VPS53: variants seen among roughly 807,000 people sequenced by gnomAD.
VPS53 encodes the protein VPS53 subunit of GARP complex.
In VPS53, 70 loss-of-function variants were observed where a neutral mutation model predicts 107.0. That is an observed-to-expected ratio of 0.65 (90% CI 0.54 to 0.80). The LOEUF (loss-of-function observed/expected upper bound fraction) is 0.80, where lower values mean the gene tolerates loss of function less well. Among genes scored for constraint, VPS53 ranks in the 30% least tolerant of loss-of-function variants. The pLI, the probability that VPS53 is intolerant of heterozygous loss-of-function variation, is 0.00. For missense variants in VPS53, 917 were observed against 1,049.4 expected, an observed-to-expected ratio of 0.87 and a Z score of 1.74; for synonymous variants, 409 against 393.3, an observed-to-expected ratio of 1.04 and a Z score of -0.47.
At chr17:649,733 A>G (rs970913680) in intron 7 of VPS53, among the ~76,000 whole-genome samples, 1 of 152,246 alleles carries the variant, frequency 6.6e-6, no homozygotes, top group African/African-American at 2.4e-5. Context: ...ACTGGAGGAC[A>G]GAGGAATGGA....
intron 4 of VPS53, among the ~76,000 whole-genome samples, chr17:670,826 C>T (rs1971904321): frequency 6.6e-6 from 1 of 152,164 alleles, no homozygotes; most frequent in Non-Finnish European, 1.5e-5. Flanking sequence ...AAATAAGGTG[C>T]TATTATTCAC....
In VPS53 at chr17:623,565, A is replaced by G. The variant is rs989517656; in HGVS notation, c.1084T>C (p.Phe362Leu). 1.2e-6 allele frequency: 2 copies of G among 1,613,740 alleles called. No homozygotes were observed. Among genetic ancestry groups the G allele is most frequent in the African/African-American group, 1.3e-5 (1 of 74,926 alleles). ...TNFEGFLAKRFSGCTLTDGTL... is the reference protein window; with the variant it reads ...TNFEGFLAKRLSGCTLTDGTL... ...CCATCGGTCAGGGTGCAGCCGGAGA[A>G]GCGTTTTGCAAGAAACCCCTCAAAG... The change falls in exon 11 of 22, where the codon TTC (phenylalanine) becomes CTC (leucine). Residue 362 changes from phenylalanine to leucine, a missense_variant. Phe to Leu is a conservative substitution (Grantham distance 22). Transcript: ENST00000437048.
At chr17:554,510 T>C (rs1211512758) in intron 15 of VPS53, among the ~76,000 whole-genome samples, 3 of 152,176 alleles carry the variant, frequency 2.0e-5, no homozygotes, top group Non-Finnish European at 4.4e-5. Context: ...TTTAAGTGAT[T>C]CTCCTGCCTC....
chr17:661,429 G>T (rs1213759045), intron 5 of VPS53, among the ~76,000 whole-genome samples: 1 of 150,866 alleles, frequency 6.6e-6, no homozygotes, highest in Non-Finnish European at 1.5e-5. Flanking sequence ...GCTGAGGCAG[G>T]GGAATCGCTT....
At chr17:628,388 G>A (rs1278503535) in intron 8 of VPS53, among the ~76,000 whole-genome samples, 157 bp from the exon 9 acceptor site, 3 of 152,124 alleles carry the variant, frequency 2.0e-5, no homozygotes, top group African/African-American at 7.2e-5. Context: ...TCAGTTACCT[G>A]CTGCTCCTCG....
rs9915614 is a variant in VPS53, at chr17:517,125, G to A, written c.*2003C>T. On this transcript the variant is annotated 3_prime_UTR_variant, in exon 22 of 22. Transcript: ENST00000437048. ...AACCATAGCAACTCCATGGGCTGGG[G>A]TGGGGGCATCTACAGGGCTTCCTGG... is the stretch of plus-strand genomic sequence containing the variant. 131 of 248,948 alleles carry A rather than the reference G, an allele frequency of 5.3e-4. No homozygotes were observed. The highest frequency in any genetic ancestry group is 2.5e-3 in the African/African-American group (114 of 45,124). 15.4% of individuals were successfully genotyped at this position (248,948 alleles called of 1,614,324 possible).
At position 519,317 on chromosome 17, in the gene VPS53, C is replaced by G; in HGVS notation, c.2329-19G>C. ...TCAGCCCCTGAGGTTGAGAGAGAAACAGAACCGTCACGAAGTCTGGGCCAG... is the reference window on the plus strand; with the variant it reads ...TCAGCCCCTGAGGTTGAGAGAGAAAGAGAACCGTCACGAAGTCTGGGCCAG... On this transcript the variant is annotated intron_variant, in intron 21 of 21. Coordinates refer to ENST00000437048, the MANE Select transcript of VPS53 (RefSeq NM_001128159.3). The surrounding 1 kb of genome is among the most constrained non-coding windows in gnomAD (Gnocchi z 5.0). 1 of 1,460,122 alleles carries G rather than the reference C, an allele frequency of 6.8e-7. No homozygotes were observed. The highest frequency in any genetic ancestry group is 9.1e-7 in the Non-Finnish European group (1 of 1,104,408). 90.4% of individuals were successfully genotyped at this position (1,460,122 alleles called of 1,614,324 possible). A position where few individuals can be genotyped will look rare whatever the true frequency, so the allele number is the denominator to read the frequency against.
At chr17:654,751 A>AG (rs71145760) in intron 6 of VPS53, among the ~76,000 whole-genome samples, 26,949 of 148,008 alleles carry the variant, frequency 0.18, 2,889 homozygotes, top group Admixed American at 0.29. Flanking sequence ...AAAAAAAAAA[A>AG]AAAGAAAAAA....
At chr17:678,148 G>C (rs1344849800) in intron 4 of VPS53, among the ~76,000 whole-genome samples, 1 of 152,134 alleles carries the variant, frequency 6.6e-6, no homozygotes, top group Non-Finnish European at 1.5e-5. Context: ...AGGCCCGGTG[G>C]CTCACGCCTG....
At chr17:596,067 T>C (rs1967958534) in intron 12 of VPS53, among the ~76,000 whole-genome samples, 1 of 152,276 alleles carries the variant, frequency 6.6e-6, no homozygotes, top group Non-Finnish European at 1.5e-5. Context: ...CGCTGGGAGA[T>C]CAGTACACTG....
intron 4 of VPS53, among the ~76,000 whole-genome samples, chr17:663,802 G>A (rs1039823087): frequency 6.7e-6 from 1 of 150,206 alleles, no homozygotes; most frequent in Non-Finnish European, 1.5e-5. Flanking sequence ...ATGATTCTAG[G>A]CATTGGGAAT....
intron 15 of VPS53, among the ~76,000 whole-genome samples, chr17:556,943 G>A (rs1016170923): frequency 8.1e-5 from 3 of 36,960 alleles, no homozygotes; most frequent in African/African-American, 2.6e-4. Flanking sequence ...GGCTCTCTGA[G>A]GAGGTGATAC....
intron 1 of VPS53, among the ~76,000 whole-genome samples, chr17:711,942 GAGA>G (rs1205860234): frequency 6.6e-6 from 1 of 151,286 alleles, no homozygotes; most frequent in Non-Finnish European, 1.5e-5. Context: ...TCAGCCTCTT[GAGA>G]AGGTGGGACT....
chr17:591,407 T>G (rs1242808296), intron 12 of VPS53, among the ~76,000 whole-genome samples: 8 of 152,236 alleles, frequency 5.3e-5, no homozygotes, highest in Admixed American at 5.2e-4. Flanking sequence ...TCGTTATTTC[T>G]TGCCTTCTGC....
rs759338009 is a variant in VPS53, at chr17:511,715, C to G, written c.*7413G>C. 3.9e-5 allele frequency: 6 copies of G among 151,976 alleles called. No homozygotes were observed. The highest frequency in any genetic ancestry group is 7.4e-5 in the Non-Finnish European group (5 of 68,002). The allele number at this position is 151,976 out of a possible 1,614,324, so 9.4% of individuals were successfully genotyped here. A position where few individuals can be genotyped will look rare whatever the true frequency, so the allele number is the denominator to read the frequency against. The stretch of plus-strand genomic sequence containing the variant: ...TTAGAACTGCCTGTCCCAAGTTAAT[C>G]TTGCTTAGTTTTTTGGGGGGCATCA... On this transcript the variant is annotated 3_prime_UTR_variant, in exon 22 of 22. Coordinates refer to ENST00000437048, the MANE Select transcript of VPS53 (RefSeq NM_001128159.3).
In VPS53 at chr17:542,551, GCTA is replaced by G. The variant is rs1910779096; in HGVS notation, c.1867-5378_1867-5376del. Among the ~76,000 whole-genome samples the G allele has an allele frequency of 2.6e-5, 4 of 152,250 alleles. No homozygotes were observed. The South Asian group carries it at 8.3e-4, about 32-fold the overall frequency. On this transcript the variant is annotated intron_variant, in intron 17 of 21. Coordinates refer to ENST00000437048, the MANE Select transcript of VPS53 (RefSeq NM_001128159.3). Reference sequence around the variant, plus strand: ...CGTATAAATTCCACAGTAAATTTTAGCTACTGTTATAATTTTAAGAATACTTGC... The same window carrying G: ...CGTATAAATTCCACAGTAAATTTTAGCTGTTATAATTTTAAGAATACTTGC...
At chr17:548,356 A>G (rs1313037988) in intron 17 of VPS53, among the ~76,000 whole-genome samples, 1 of 151,120 alleles carries the variant, frequency 6.6e-6, no homozygotes, top group Non-Finnish European at 1.5e-5. Flanking sequence ...ACTACACTCC[A>G]CTTTGGCCAG....
intron 7 of VPS53, among the ~76,000 whole-genome samples, chr17:633,236 G>A (rs73281325): frequency 0.01 from 1,527 of 152,248 alleles, 26 homozygotes; most frequent in African/African-American, 0.034. Context: ...ACAATCGATC[G>A]CATGCTGTGC....
chr17:526,532 G>C (rs1051129602), intron 19 of VPS53, among the ~76,000 whole-genome samples: 1 of 152,232 alleles, frequency 6.6e-6, no homozygotes, highest in African/African-American at 2.4e-5. Flanking sequence ...TTTGGCGGCT[G>C]TCTGTGCAAA....
Sources: gnomAD v4.1 joint callset for allele counts (sites outside exome capture counted in the v4.1 genomes callset) on GRCh38, gnomAD v4.1.1 for gene constraint, Gnocchi (gnomAD v3.1) non-coding constraint, MANE v1.5 for transcripts, NCBI Gene and HGNC (gene_info 2026-07-23, HGNC 2026-07-21) for gene names.